The following GRM1 variants were observed in gnomAD, a reference collection of about 807,000 sequenced individuals.
The protein encoded by GRM1 is glutamate metabotropic receptor 1.
In GRM1, 33 loss-of-function variants were observed where a neutral mutation model predicts 90.9. The observed-to-expected ratio is 0.36, with a 90% CI of 0.28 to 0.49. The LOEUF is 0.49. Among genes scored for constraint, GRM1 ranks in the 20% least tolerant of loss-of-function variants. GRM1 has a pLI of 0.99. For missense variants in GRM1, 1,190 were observed against 1,534.3 expected (o/e 0.78, Z 3.75); for synonymous variants, 700 against 613.2 (o/e 1.14, Z -2.09).
chr6:146,325,049 C>T (rs992886122), intron 3 of GRM1, among the ~76,000 whole-genome samples: 2 of 152,048 alleles, frequency 1.3e-5, no homozygotes, highest in African/African-American at 2.4e-5. Context: ...TGAAATATTC[C>T]GAGCTCCAAG....
At chr6:146,418,922 A>T (rs2091956904) in intron 7 of GRM1, among the ~76,000 whole-genome samples, 1 of 152,142 alleles carries the variant, frequency 6.6e-6, no homozygotes, top group African/African-American at 2.4e-5. Flanking sequence ...TATTTGAAAA[A>T]ATTGGGGCAT....
chr6:146,338,095 G>A (rs140019999), intron 3 of GRM1, among the ~76,000 whole-genome samples: 22 of 152,230 alleles, frequency 1.4e-4, no homozygotes, highest in East Asian at 9.6e-4. Context: ...AAATGATCAC[G>A]TTATGCAATG....
intron 5 of GRM1, among the ~76,000 whole-genome samples, chr6:146,368,268 G>A (rs569980965): frequency 7.6e-6 from 1 of 132,442 alleles, no homozygotes; most frequent in African/African-American, 2.8e-5. Context: ...TTTGGGGGGG[G>A]GGGTAGAATC....
At chr6:146,158,074 A>AT (rs1399246812) in intron 1 of GRM1, among the ~76,000 whole-genome samples, 19 of 152,286 alleles carry the variant, frequency 1.2e-4, no homozygotes, top group Admixed American at 3.3e-4. Context: ...ATTGAATATC[A>AT]TTTTTGGTAC....
intron 7 of GRM1, among the ~76,000 whole-genome samples, chr6:146,402,360 C>A (rs1295358004): frequency 6.6e-6 from 1 of 152,064 alleles, no homozygotes; most frequent in Admixed American, 6.6e-5. Flanking sequence ...CCTGTTGTAA[C>A]TATGTGAGAC....
chr6:146,330,162 A>G (rs549285669), intron 3 of GRM1, among the ~76,000 whole-genome samples: 25 of 152,314 alleles, frequency 1.6e-4, no homozygotes, highest in African/African-American at 5.5e-4. Context: ...AACAACTCAA[A>G]GAACCCTGGA....
At chr6:146,082,348 G>T (rs1013200878) in intron 1 of GRM1, among the ~76,000 whole-genome samples, 5 of 152,016 alleles carry the variant, frequency 3.3e-5, no homozygotes, top group East Asian at 3.9e-4. Context: ...TAGAGACAGG[G>T]TTTCACCATA....
chr6:146,383,377 A>T (rs1355291836), intron 5 of GRM1, among the ~76,000 whole-genome samples: 3 of 152,180 alleles, frequency 2.0e-5, no homozygotes, highest in Non-Finnish European at 4.4e-5. Context: ...GGAGAAAGAT[A>T]CAGCTGGTTG....
At chr6:146,076,955 G>T (rs1776207489) in intron 1 of GRM1, among the ~76,000 whole-genome samples, 1 of 152,086 alleles carries the variant, frequency 6.6e-6, no homozygotes, top group African/African-American at 2.4e-5. Flanking sequence ...AGGAAGCCAG[G>T]TCCTGGCTTT....
chr6:146,427,803 G>A (rs1778264791), intron 7 of GRM1, among the ~76,000 whole-genome samples: 1 of 152,222 alleles, frequency 6.6e-6, no homozygotes, highest in Admixed American at 6.5e-5. Context: ...CCCAAGCTCA[G>A]AAGGCACTGA....
chr6:146,090,362 C>A (rs890432173), intron 1 of GRM1, among the ~76,000 whole-genome samples: 1 of 152,016 alleles, frequency 6.6e-6, no homozygotes, highest in Non-Finnish European at 1.5e-5. Context: ...TACTATTTAC[C>A]TATTCGTGGT....
chr6:146,116,318 T>C (rs1227836764), intron 1 of GRM1, among the ~76,000 whole-genome samples: 1 of 152,190 alleles, frequency 6.6e-6, no homozygotes, highest in Non-Finnish European at 1.5e-5. Context: ...AGTTTAAAAC[T>C]AAGGAATTAG....
chr6:146,313,051 A>G (rs1783832085), intron 3 of GRM1, among the ~76,000 whole-genome samples: 1 of 152,210 alleles, frequency 6.6e-6, no homozygotes, highest in Non-Finnish European at 1.5e-5. Flanking sequence ...CCTTATATTC[A>G]TCTTGATTTG....
At chr6:146,247,794 G>A (rs1262077235) in intron 2 of GRM1, among the ~76,000 whole-genome samples, 2 of 142,844 alleles carry the variant, frequency 1.4e-5, no homozygotes, top group Non-Finnish European at 3.0e-5. Flanking sequence ...GTGTGTGTGT[G>A]TGTGTGTGTG....
At chr6:146,258,502 T>C (rs1460164508) in intron 2 of GRM1, among the ~76,000 whole-genome samples, 1 of 152,126 alleles carries the variant, frequency 6.6e-6, no homozygotes, top group Non-Finnish European at 1.5e-5. Context: ...TGCCCTCTTT[T>C]GTTCCTATGT....
At chr6:146,262,521 C>G (rs142960610) in intron 2 of GRM1, among the ~76,000 whole-genome samples, 40 of 152,048 alleles carry the variant, frequency 2.6e-4, no homozygotes, top group Admixed American at 4.6e-4. Flanking sequence ...AACACTGACT[C>G]TTTAAACATC....
chr6:146,370,126 A>G (rs939437992), intron 5 of GRM1, among the ~76,000 whole-genome samples: 1 of 152,016 alleles, frequency 6.6e-6, no homozygotes, highest in African/African-American at 2.4e-5. Context: ...GTTTCATCTG[A>G]TATGAGTATA....
At position 146,314,051 on chromosome 6, in the gene GRM1, C is replaced by CTTTTTTTTTTTTTT. The variant is rs552986343; in HGVS notation, c.1186+9224_1186+9237dup. ...CACTGTATATATCAATAGTTAATTC[C>CTTTTTTTTTTTTTT]TTTTTTTTTTTTTTTTTTTTTTTTT... On this transcript the variant is annotated intron_variant, in intron 3 of 7. Transcript: ENST00000282753. Among the ~76,000 whole-genome samples the CTTTTTTTTTTTTTT allele has an allele frequency of 1.5e-4, 9 of 62,000 alleles. 3 individuals are homozygous for CTTTTTTTTTTTTTT. Among genetic ancestry groups the CTTTTTTTTTTTTTT allele is most frequent in the Non-Finnish European group, 2.1e-4 (8 of 38,222 alleles). 40.7% of individuals were successfully genotyped at this position (62,000 alleles called of 152,430 possible). A position where few individuals can be genotyped will look rare whatever the true frequency, so the allele number is the denominator to read the frequency against.
At chr6:146,161,122 G>A (rs375298857) in intron 2 of GRM1, among the ~76,000 whole-genome samples, 3 of 152,138 alleles carry the variant, frequency 2.0e-5, no homozygotes, top group African/African-American at 7.2e-5. Context: ...CCATTGCTCT[G>A]TAACATGACT....
Sources: gnomAD v4.1 joint callset for allele counts (sites outside exome capture counted in the v4.1 genomes callset) on GRCh38, gnomAD v4.1.1 for gene constraint, MANE v1.5 for transcripts, NCBI Gene and HGNC (gene_info 2026-07-23, HGNC 2026-07-21) for gene names.